The following HSPA12A variants were observed in gnomAD, a reference collection of about 807,000 sequenced individuals.
The protein encoded by HSPA12A is heat shock 70 kDa protein 12A.
Under a neutral mutation model 69.2 loss-of-function variants are expected in HSPA12A, and 28 were observed. The observed-to-expected ratio is 0.40, with a 90% confidence interval of 0.30 to 0.55. HSPA12A has a LOEUF of 0.55. Among genes scored for constraint, HSPA12A ranks in the 20% least tolerant of loss-of-function variants. The probability of loss-of-function intolerance (pLI) is 0.38; values close to 1 mark genes in which losing one functional copy is unlikely to be tolerated. For missense variants in HSPA12A, 686 were observed against 900.7 expected (o/e 0.76, Z 3.05); for synonymous variants, 345 against 370.5 (o/e 0.93, Z 0.79).
At chr10:116,850,601 C>G (rs986381755), upstream of HSPA12A, among the ~76,000 whole-genome samples, 2 of 151,848 alleles carry the variant, frequency 1.3e-5, no homozygotes, top group Admixed American at 6.6e-5. Flanking sequence ...CAGAAGGAGT[C>G]CTATGAAGAG....
At chr10:116,844,838 G>C (rs1055787476) in intron 1 of HSPA12A, among the ~76,000 whole-genome samples, 1 of 152,150 alleles carries the variant, frequency 6.6e-6, no homozygotes. Context: ...TTAAATAAAG[G>C]TGTTGGACAG....
chr10:116,676,280 C>A (rs920235993), intron 11 of HSPA12A, 119 bp downstream of exon 11: 3 of 797,884 alleles, frequency 3.8e-6, no homozygotes, highest in Non-Finnish European at 6.4e-6. Context: ...AGGGCCCTTG[C>A]CTGTGGCTCC....
chr10:116,712,968 A>T (rs1338228139), intron 1 of HSPA12A, among the ~76,000 whole-genome samples: 7 of 118,022 alleles, frequency 5.9e-5, no homozygotes, highest in Admixed American at 2.0e-4. Context: ...TTATGATTTT[A>T]AAAAATGCAA....
At chr10:116,799,991 G>C (rs1434563376) in intron 2 of HSPA12A, among the ~76,000 whole-genome samples, 4 of 152,056 alleles carry the variant, frequency 2.6e-5, no homozygotes, top group African/African-American at 9.7e-5. Flanking sequence ...GCCATGGTTT[G>C]TTTTTTTCCA....
At chr10:116,826,060 C>T (rs1220891401) in intron 2 of HSPA12A, among the ~76,000 whole-genome samples, 4 of 152,068 alleles carry the variant, frequency 2.6e-5, no homozygotes, top group Non-Finnish European at 5.9e-5. Flanking sequence ...TGTGTGGCCC[C>T]GAAGTCGACT....
chr10:116,721,121 C>T (rs1850763563), intron 1 of HSPA12A, among the ~76,000 whole-genome samples: 1 of 152,134 alleles, frequency 6.6e-6, no homozygotes, highest in East Asian at 1.9e-4. Flanking sequence ...TACATTTGTA[C>T]AAAAAGAATT....
At chr10:116,796,163 A>AAAAGAAAG (rs796300276) in intron 2 of HSPA12A, among the ~76,000 whole-genome samples, 6 of 138,890 alleles carry the variant, frequency 4.3e-5, no homozygotes, top group African/African-American at 1.9e-4. Context: ...AAAAAAAAAA[A>AAAAGAAAG]AAAGAAAGAA....
At chr10:116,678,347 G>GAAA (rs1849299973) in intron 10 of HSPA12A, among the ~76,000 whole-genome samples, 1 of 7,498 alleles carries the variant, frequency 1.3e-4, no homozygotes, top group African/African-American at 5.0e-4. Flanking sequence ...CTGCCAACTT[G>GAAA]CAAAAAAAAA....
chr10:116,769,130 C>T (rs1844143094), intron 2 of HSPA12A, among the ~76,000 whole-genome samples: 1 of 152,200 alleles, frequency 6.6e-6, no homozygotes, highest in Non-Finnish European at 1.5e-5. Flanking sequence ...CCTGGCCCAG[C>T]CACCACTAGG....
intron 1 of HSPA12A, among the ~76,000 whole-genome samples, chr10:116,848,520 G>C (rs1223859327): frequency 2.0e-5 from 3 of 152,196 alleles, no homozygotes; most frequent in Non-Finnish European, 4.4e-5. Flanking sequence ...CACAGATCTT[G>C]TAACTGATCT....
Position 116,679,532 on chromosome 10 carries a change from G to C in HSPA12A, c.1257C>G (p.His419Gln). ...TTTTCCGCAAGGCGTGCTCCACACT[G>C]TGCCCGCGGAACTTCTTGTAGTAGT... ...FIDYYKKFRG[H>Q]SVEHALRKSN... The change falls in exon 10 of 12, where the codon CAC (histidine) becomes CAG (glutamine). Residue 419 changes from histidine to glutamine, a missense_variant. Physicochemically the swap from His to Gln is conservative, Grantham distance 24. Transcript: ENST00000369209. The C allele has an allele frequency of 6.2e-7, 1 of 1,614,102 alleles. No individual in the cohort carries two copies.
Position 116,707,182 on chromosome 10 carries a change from C to CTTCTT in HSPA12A, c.126+17_126+18insAAGAA. 6.4e-7 allele frequency: 1 copy of CTTCTT among 1,573,186 alleles called. No individual in the cohort carries two copies. The highest frequency in any genetic ancestry group is 8.7e-7 in the Non-Finnish European group (1 of 1,151,998). On this transcript the variant is annotated intron_variant, in intron 2 of 11. Transcript: ENST00000369209. ...ACACACACACACACACACACACACA[C>CTTCTT]ACACACACACTTCTTACCACAATAT...
intron 1 of HSPA12A, among the ~76,000 whole-genome samples, chr10:116,731,014 C>T (rs574292885): frequency 7.9e-5 from 12 of 152,320 alleles, no homozygotes; most frequent in African/African-American, 2.2e-4. Context: ...AGCTTCTCTG[C>T]GCAGCCCGTT....
intron 1 of HSPA12A, among the ~76,000 whole-genome samples, chr10:116,724,743 G>A (rs781882637): frequency 6.6e-5 from 10 of 152,172 alleles, no homozygotes; most frequent in Non-Finnish European, 1.0e-4. Flanking sequence ...AGTGAGTGAC[G>A]CCTCCTGTCC....
intron 1 of HSPA12A, among the ~76,000 whole-genome samples, chr10:116,741,855 G>C (rs1554887209): frequency 6.6e-6 from 1 of 152,216 alleles, no homozygotes; most frequent in Non-Finnish European, 1.5e-5. Context: ...GGGGATGGGC[G>C]GGGAGGTGGG....
chr10:116,696,971 A>C (rs1554880933), intron 5 of HSPA12A, among the ~76,000 whole-genome samples: 4 of 151,830 alleles, frequency 2.6e-5, no homozygotes, highest in Non-Finnish European at 4.4e-5. Flanking sequence ...AATGGACAGA[A>C]TCTCTGCCTC....
At chr10:116,841,691 ATGATTT>A (rs1845803339) in intron 1 of HSPA12A, among the ~76,000 whole-genome samples, 1 of 152,192 alleles carries the variant, frequency 6.6e-6, no homozygotes, top group Non-Finnish European at 1.5e-5. Context: ...TTTGCCTAAA[ATGATTT>A]TATTTGCTAA....
chr10:116,818,620 A>G (rs958516968), intron 2 of HSPA12A, among the ~76,000 whole-genome samples: 2 of 152,144 alleles, frequency 1.3e-5, no homozygotes. Flanking sequence ...AGGGGGACAC[A>G]GTTACATCTC....
upstream of HSPA12A, among the ~76,000 whole-genome samples, chr10:116,744,106 C>T (rs782067989): frequency 2.1e-4 from 32 of 152,202 alleles, no homozygotes; most frequent in Non-Finnish European, 4.6e-4. Context: ...TCAGTCCATG[C>T]TTTGTGATCT....
Sources: gnomAD v4.1 joint callset for allele counts (sites outside exome capture counted in the v4.1 genomes callset) on GRCh38, gnomAD v4.1.1 for gene constraint, MANE v1.5 for transcripts, NCBI Gene and HGNC (gene_info 2026-07-23, HGNC 2026-07-21) for gene names.